Variants in SEMA3A observed in about 807,000 individuals in gnomAD.
SEMA3A encodes the protein semaphorin-3A.
SEMA3A carries 29 observed loss-of-function variants against 97.9 expected under a neutral mutation model. The observed-to-expected ratio is 0.30, with a 90% CI of 0.22 to 0.40. The LOEUF (loss-of-function observed/expected upper bound fraction) is 0.40. Among genes scored for constraint, SEMA3A ranks in the 10% least tolerant of loss-of-function variants. The pLI is 1.00. For missense variants in SEMA3A, 763 were observed against 951.3 expected, an observed-to-expected ratio of 0.80 and a Z score of 2.60; for synonymous variants, 321 against 323.7, an observed-to-expected ratio of 0.99 and a Z score of 0.09.
At chr7:84,131,691 C>T (rs1192792812) in intron 2 of SEMA3A, among the ~76,000 whole-genome samples, 2 of 152,050 alleles carry the variant, frequency 1.3e-5, no homozygotes, top group African/African-American at 4.8e-5. Context: ...ACAATAGGCG[C>T]TTAGAAGAAA....
At chr7:84,191,251 A>C (rs13247197) in intron 1 of SEMA3A, among the ~76,000 whole-genome samples, 9,412 of 150,632 alleles carry the variant, frequency 0.062, 353 homozygotes, top group African/African-American at 0.1. Flanking sequence ...ACAACTTTAG[A>C]AAATAGAAAA....
intron 3 of SEMA3A, among the ~76,000 whole-genome samples, chr7:84,200,163 A>C (rs1275370038): frequency 1.3e-5 from 2 of 152,058 alleles, no homozygotes; most frequent in Admixed American, 6.6e-5. Context: ...TGGGGGAAAA[A>C]AAAAAAGTTT....
At chr7:84,146,982 T>C (rs2189851) in intron 1 of SEMA3A, among the ~76,000 whole-genome samples, 34,019 of 152,098 alleles carry the variant, frequency 0.22, 3,922 homozygotes, top group South Asian at 0.27. Flanking sequence ...AGTTGAAATA[T>C]TAATTTTTCA....
chr7:84,394,339 G>A (rs1161039161), intron 1 of SEMA3A, among the ~76,000 whole-genome samples: 1 of 141,996 alleles, frequency 7.0e-6, no homozygotes, highest in Non-Finnish European at 1.6e-5. Flanking sequence ...TTACCTCAGT[G>A]CACACCATAT....
intron 12 of SEMA3A, among the ~76,000 whole-genome samples, chr7:83,989,529 CA>C (rs1789802286): frequency 7.2e-6 from 1 of 138,792 alleles, no homozygotes; most frequent in Admixed American, 7.4e-5. Context: ...CATGTGATCT[CA>C]TTGTTCAATT....
intron 1 of SEMA3A, among the ~76,000 whole-genome samples, chr7:84,459,762 TCACAC>T (rs1445476662): frequency 3.9e-5 from 6 of 152,208 alleles, no homozygotes; most frequent in African/African-American, 1.4e-4. Flanking sequence ...GCTTGGTGGC[TCACAC>T]CTGTAATCCC....
At chr7:84,429,548 A>ATATATATATATATG (rs1365007284) in intron 1 of SEMA3A, among the ~76,000 whole-genome samples, 1 of 115,770 alleles carries the variant, frequency 8.6e-6, no homozygotes, top group African/African-American at 3.2e-5. Flanking sequence ...ATATATATAT[A>ATATATATATATATG]GCGAGAGAGA....
rs10488588 is a variant in SEMA3A at position 84,338,874 on chromosome 7, C to T, written c.-168-31582G>A. Among the ~76,000 whole-genome samples the T allele has an allele frequency of 0.015, 2,214 of 152,148 alleles. 96 individuals carry two copies. The East Asian group carries it at 0.15, about 11-fold the overall frequency. On this transcript the variant is annotated intron_variant, in intron 2 of 3. Transcript: ENST00000424555. ...TATTAAGTGAACTTGTTTTAATCAC[C>T]GATGGGAACAAGAGAACTGCATGGC...
chr7:84,151,954 C>T (rs1216676634), intron 1 of SEMA3A, among the ~76,000 whole-genome samples: 1 of 151,936 alleles, frequency 6.6e-6, no homozygotes, highest in African/African-American at 2.4e-5. Flanking sequence ...CTCACCATCA[C>T]TGGCCATCAG....
intron 6 of SEMA3A, 26 bp downstream of exon 6, chr7:84,046,298 T>G: frequency 6.2e-7 from 1 of 1,611,552 alleles, no homozygotes; most frequent in South Asian, 1.1e-5. Flanking sequence ...ATGTTACATG[T>G]CTATGTTCTT....
At chr7:84,429,547 T>TATATATATATAG (rs1443588588) in intron 1 of SEMA3A, among the ~76,000 whole-genome samples, 5 of 115,928 alleles carry the variant, frequency 4.3e-5, no homozygotes, top group Admixed American at 1.0e-4. Flanking sequence ...TATATATATA[T>TATATATATATAG]AGCGAGAGAG....
intron 1 of SEMA3A, among the ~76,000 whole-genome samples, chr7:84,463,237 CTTTTTTTTTTTTTT>C (rs59465422): frequency 0.071 from 5,075 of 71,462 alleles, 361 homozygotes; most frequent in East Asian, 0.23. Flanking sequence ...TGTAACTATT[CTTTTTTTTTTTTTT>C]TTTTTTTTTT....
At chr7:84,061,896 C>T (rs1793230763) in intron 4 of SEMA3A, among the ~76,000 whole-genome samples, 1 of 152,142 alleles carries the variant, frequency 6.6e-6, no homozygotes, top group Non-Finnish European at 1.5e-5. Context: ...AAAATCTATA[C>T]TGTGAAATAA....
At chr7:84,012,711 T>G (rs1007078540) in intron 7 of SEMA3A, among the ~76,000 whole-genome samples, 3 of 152,156 alleles carry the variant, frequency 2.0e-5, no homozygotes, top group Admixed American at 2.0e-4. Context: ...AGAGAACACA[T>G]TTTGAAAATC....
At chr7:84,425,356 C>T (rs1235765335) in intron 1 of SEMA3A, among the ~76,000 whole-genome samples, 1 of 123,928 alleles carries the variant, frequency 8.1e-6, no homozygotes, top group Non-Finnish European at 1.6e-5. Flanking sequence ...TAAATATATA[C>T]ATATACTATA....
At chr7:84,067,672 A>G (rs1441541878) in intron 4 of SEMA3A, among the ~76,000 whole-genome samples, 3 of 152,208 alleles carry the variant, frequency 2.0e-5, no homozygotes, top group Non-Finnish European at 4.4e-5. Flanking sequence ...ACATGAAAAA[A>G]TGCTCATCAT....
intron 1 of SEMA3A, among the ~76,000 whole-genome samples, chr7:84,173,404 A>G (rs1797454899): frequency 6.6e-6 from 1 of 151,844 alleles, no homozygotes; most frequent in South Asian, 2.1e-4. Context: ...AAAAAGATAC[A>G]AAAAATTAGC....
chr7:84,276,157 A>G (rs565414483), intron 3 of SEMA3A, among the ~76,000 whole-genome samples: 131 of 152,152 alleles, frequency 8.6e-4, no homozygotes, highest in African/African-American at 2.9e-3. Flanking sequence ...CGTTTATTCA[A>G]TAAATATTTA....
At chr7:84,162,602 T>A (rs537403239) in intron 1 of SEMA3A, among the ~76,000 whole-genome samples, 2,350 of 151,138 alleles carry the variant, frequency 0.016, 66 homozygotes, top group African/African-American at 0.053. Context: ...TAAAAAAAAA[T>A]AGATATGATT....
Sources: allele counts gnomAD v4.1 joint callset (sites outside exome capture counted in the v4.1 genomes callset), GRCh38; gene constraint gnomAD v4.1.1; transcripts MANE v1.5; gene names NCBI Gene and HGNC (gene_info 2026-07-23, HGNC 2026-07-21).